Variants in PARD3B observed in about 807,000 individuals in gnomAD.
PARD3B encodes partitioning defective 3 homolog B.
PARD3B carries 103 observed loss-of-function variants against 130.2 expected under a neutral mutation model. The observed-to-expected ratio is 0.79, with a 90% confidence interval of 0.67 to 0.93. The LOEUF (loss-of-function observed/expected upper bound fraction) is 0.93. Ranked by LOEUF, PARD3B falls within the 40% of genes least tolerant of loss-of-function variation. The pLI is 0.00. For synonymous variants in PARD3B, 583 were observed against 553.2 expected (o/e 1.05, Z -0.76); for missense variants, 1,609 against 1,499.2 (o/e 1.07, Z -1.21).
intron 3 of PARD3B, among the ~76,000 whole-genome samples, chr2:204,986,091 A>G (rs886778311): frequency 2.7e-5 from 3 of 110,286 alleles, no homozygotes; most frequent in Admixed American, 1.5e-4. Flanking sequence ...ACAGAGCGAG[A>G]CTCTGTCTCC....
chr2:205,184,781 C>CAT (rs145704386), intron 13 of PARD3B, among the ~76,000 whole-genome samples: 1,791 of 149,818 alleles, frequency 0.012, 29 homozygotes, highest in East Asian at 0.087. Context: ...CACACACACA[C>CAT]ATATATATAT....
chr2:205,412,780 G>A (rs569448270), intron 19 of PARD3B, among the ~76,000 whole-genome samples: 51 of 152,242 alleles, frequency 3.3e-4, no homozygotes, highest in Non-Finnish European at 5.0e-4. Context: ...GAGTTGGTCC[G>A]AATGAATGGA....
chr2:205,521,581 G>T (rs1463189197), intron 21 of PARD3B, among the ~76,000 whole-genome samples: 1 of 151,812 alleles, frequency 6.6e-6, no homozygotes, highest in Non-Finnish European at 1.5e-5. Flanking sequence ...TAATGTGAGA[G>T]TTCATATGAA....
chr2:205,164,611 G>A (rs1214820702), intron 11 of PARD3B, among the ~76,000 whole-genome samples: 1 of 151,734 alleles, frequency 6.6e-6, no homozygotes, highest in Non-Finnish European at 1.5e-5. Flanking sequence ...ATTTTGGAAT[G>A]CTACAACATT....
At chr2:205,041,033 A>G (rs957464412) in intron 3 of PARD3B, among the ~76,000 whole-genome samples, 3 of 152,100 alleles carry the variant, frequency 2.0e-5, no homozygotes, top group African/African-American at 4.8e-5. Flanking sequence ...TAAGCATTCT[A>G]TATTTCTTTC....
chr2:204,741,798 G>T (rs181828382), intron 2 of PARD3B, among the ~76,000 whole-genome samples: 28 of 152,242 alleles, frequency 1.8e-4, no homozygotes, highest in African/African-American at 6.7e-4. Flanking sequence ...GATATTATGT[G>T]CTTCTCAACT....
intron 1 of PARD3B, among the ~76,000 whole-genome samples, chr2:204,644,361 G>A (rs556849703): frequency 6.6e-6 from 1 of 152,286 alleles, no homozygotes; most frequent in African/African-American, 2.4e-5. Flanking sequence ...GTGTGTGGGT[G>A]TCTATCTTTG....
At chr2:205,542,282 G>A (rs2052183832) in intron 21 of PARD3B, among the ~76,000 whole-genome samples, 2 of 151,170 alleles carry the variant, frequency 1.3e-5, no homozygotes, top group South Asian at 4.2e-4. Flanking sequence ...GGTTACTAAA[G>A]GCCTTGCATA....
At chr2:205,083,828 A>G (rs947913603) in intron 4 of PARD3B, among the ~76,000 whole-genome samples, 1 of 152,088 alleles carries the variant, frequency 6.6e-6, no homozygotes, top group Non-Finnish European at 1.5e-5. Flanking sequence ...ATAGATTAGT[A>G]TAATGAACCT....
chr2:205,250,013 C>T (rs1216419984), intron 16 of PARD3B, among the ~76,000 whole-genome samples: 1 of 150,720 alleles, frequency 6.6e-6, no homozygotes, highest in Non-Finnish European at 1.5e-5. Context: ...TCTGAGGGAA[C>T]ATTAGGATCC....
rs147084904 is a variant in PARD3B at position 204,587,947 on chromosome 2, C to G, written c.120+41828C>G. ...TGCCACCATGTGAAGAAGGCCTCCC[C>G]AGCCGTGCTGAACTGTGAGTCAATT... On this transcript the variant is annotated intron_variant, in intron 1 of 22. Transcript: ENST00000406610. Among the ~76,000 whole-genome samples the G allele has an allele frequency of 6.8e-3, 1,038 of 152,272 alleles. 11 individuals are homozygous for G. The highest frequency in any genetic ancestry group is 0.023 in the African/African-American group (944 of 41,566).
chr2:204,871,233 A>G (rs1361232915), intron 2 of PARD3B, among the ~76,000 whole-genome samples: 5 of 152,142 alleles, frequency 3.3e-5, no homozygotes, highest in Admixed American at 2.0e-4. Flanking sequence ...TAGACTGTTC[A>G]TGAATTGTAA....
At chr2:204,810,565 A>G (rs1483737022) in intron 2 of PARD3B, among the ~76,000 whole-genome samples, 1 of 152,050 alleles carries the variant, frequency 6.6e-6, no homozygotes, top group East Asian at 1.9e-4. Flanking sequence ...TATTTTCTGC[A>G]TCTGTAATCA....
chr2:205,615,595 G>T lies in PARD3B; in HGVS notation c.3400G>T (p.Val1134Leu). Residue 1134 changes from valine (V) to leucine (L), a missense_variant, in exon 23 of 23, where the codon GTG becomes TTG. By Grantham distance (32) the Val-to-Leu change is conservative. Transcript: ENST00000406610. ...GSYPRPTELR[V>L]ADLRYPQHYP... ...CTATCCCCGCCCCACAGAGCTCAGG[G>T]TGGCAGATCTCCGGTATCCTCAGCA... 6.2e-7 allele frequency: 1 copy of T among 1,614,064 alleles called. No homozygotes were observed. The highest frequency in any genetic ancestry group is 8.5e-7 in the Non-Finnish European group (1 of 1,179,960).
chr2:204,674,027 C>T (rs1017810851), intron 1 of PARD3B, among the ~76,000 whole-genome samples: 2 of 152,036 alleles, frequency 1.3e-5, no homozygotes, highest in Non-Finnish European at 2.9e-5. Flanking sequence ...ACCCTGAGCC[C>T]GTCCCCCTAC....
intron 2 of PARD3B, among the ~76,000 whole-genome samples, chr2:204,910,758 C>T (rs2047204843): frequency 2.0e-5 from 3 of 152,146 alleles, no homozygotes; most frequent in Non-Finnish European, 4.4e-5. Flanking sequence ...TCTCCTGCCT[C>T]AGCCTCATGA....
intron 21 of PARD3B, among the ~76,000 whole-genome samples, chr2:205,544,419 C>T (rs746407626): frequency 2.6e-5 from 4 of 152,094 alleles, no homozygotes; most frequent in Non-Finnish European, 5.9e-5. Flanking sequence ...GCTCTTCAAG[C>T]TTGTTGGCAA....
chr2:205,513,885 A>G (rs2050687946), intron 21 of PARD3B, among the ~76,000 whole-genome samples: 1 of 152,140 alleles, frequency 6.6e-6, no homozygotes, highest in South Asian at 2.1e-4. Flanking sequence ...CTAACCAAGA[A>G]TTAACGAGAT....
intron 2 of PARD3B, among the ~76,000 whole-genome samples, chr2:204,883,714 G>A (rs527976238): frequency 6.6e-6 from 1 of 151,506 alleles, no homozygotes; most frequent in Admixed American, 6.6e-5. Context: ...AAAGTGCTGG[G>A]ATTACACACA....
Sources: gnomAD v4.1 joint callset for allele counts (sites outside exome capture counted in the v4.1 genomes callset) on GRCh38, gnomAD v4.1.1 for gene constraint, MANE v1.5 for transcripts, NCBI Gene and HGNC (gene_info 2026-07-23, HGNC 2026-07-21) for gene names.